The following ANK1 variants were observed in gnomAD, a reference collection of about 807,000 sequenced individuals.
ANK1 encodes ankyrin-1.
In ANK1, 51 loss-of-function variants were observed where a neutral mutation model predicts 210.4. The ratio of observed to expected loss-of-function variants is 0.24; its 90% CI spans 0.19 to 0.31. ANK1 has a LOEUF of 0.31. Ranked by LOEUF, ANK1 falls within the 10% of genes least tolerant of loss-of-function variation. The pLI, the probability that ANK1 is intolerant of heterozygous loss-of-function variation, is 1.00. For synonymous variants in ANK1, 967 were observed against 1,025.9 expected (o/e 0.94, Z 1.10); for missense variants, 2,051 against 2,504.4 (o/e 0.82, Z 3.86).
Position 41,724,539 on chromosome 8 carries a change from G to T in ANK1, c.628C>A (p.Leu210Met). The change falls in exon 7 of 43, where the codon CTG (leucine) becomes ATG (methionine). Residue 210 changes from leucine (L) to methionine (M), a missense_variant. Transcript: ENST00000289734. ...DVLSKTGFTP[L>M]HIAAHYENLN... ...TTCTCGTAGTGAGCCGCAATGTGCA[G>T]GGGCGTGAATCCCGTCTGGGGCACA... is the stretch of plus-strand genomic sequence containing the variant. 1 of 1,596,886 alleles carries T rather than the reference G, an allele frequency of 6.3e-7. No homozygotes were observed. Among genetic ancestry groups the T allele is most frequent in the South Asian group, 1.1e-5 (1 of 87,786 alleles).
At chr8:41,717,267 G>A (rs561080958) in intron 12 of ANK1, among the ~76,000 whole-genome samples, 9 of 152,210 alleles carry the variant, frequency 5.9e-5, no homozygotes, top group African/African-American at 9.6e-5. Flanking sequence ...AGGTGCATGC[G>A]TGTATATGAG....
chr8:41,672,952 T>C, intron 37 of ANK1, 40 bp from the exon 38 acceptor site: 1 of 1,562,648 alleles, frequency 6.4e-7, no homozygotes, highest in Non-Finnish European at 8.7e-7. Flanking sequence ...CCAGCAGTGA[T>C]TCCTGTCCCA....
intron 1 of ANK1, among the ~76,000 whole-genome samples, chr8:41,764,156 C>A (rs1038444455): frequency 3.0e-4 from 27 of 88,602 alleles, no homozygotes; most frequent in African/African-American, 9.1e-4. Context: ...TGTTATAAAG[C>A]GGTCATGTGC....
At chr8:41,657,304 C>G (rs1420064023) in intron 42 of ANK1, among the ~76,000 whole-genome samples, 2 of 152,202 alleles carry the variant, frequency 1.3e-5, no homozygotes, top group African/African-American at 4.8e-5. Context: ...TGCCTGACCT[C>G]GGTCAAGTGC....
rs78365145 is a variant in ANK1 at position 41,857,181 on chromosome 8, CTT to C, written c.126+39172_126+39173del. Among the ~76,000 whole-genome samples, 784 of 143,244 alleles carry C rather than the reference CTT, an allele frequency of 5.5e-3. 4 individuals are homozygous for C. Among genetic ancestry groups the C allele is most frequent in the African/African-American group, 0.014 (544 of 38,846 alleles). The allele number at this position is 143,244 out of a possible 152,430, so 94.0% of individuals were successfully genotyped here. On this transcript the variant is annotated intron_variant, in intron 1 of 42. Coordinates refer to the ANK1 transcript ENST00000265709. ...AGGCATGAGCTACCACTCCTGGCAT[CTT>C]TTTTTTTTTTTTCTCCCCTTTCCAT... is the stretch of plus-strand genomic sequence containing the variant.
chr8:41,730,376 G>A (rs1266292860), intron 3 of ANK1, among the ~76,000 whole-genome samples: 3 of 152,178 alleles, frequency 2.0e-5, no homozygotes, highest in East Asian at 3.8e-4. Flanking sequence ...AGGCCAAGGC[G>A]GGAGGATTGC....
At chr8:41,776,047 G>C (rs1279527016) in intron 1 of ANK1, among the ~76,000 whole-genome samples, 1 of 152,150 alleles carries the variant, frequency 6.6e-6, no homozygotes, top group Non-Finnish European at 1.5e-5. Context: ...TAAGTCATTT[G>C]TCCAAAGTCC....
rs984156853 is a variant in ANK1 at position 41,699,615 on chromosome 8, G to C, written c.2462-67C>G. The C allele has an allele frequency of 3.4e-6, 5 of 1,478,206 alleles. No homozygotes were observed. In the South Asian group the frequency reaches 4.5e-5, roughly 13 times the overall value. The allele number at this position is 1,478,206 out of a possible 1,614,324, so 91.6% of individuals were successfully genotyped here. A position where few individuals can be genotyped will look rare whatever the true frequency, so the allele number is the denominator to read the frequency against. ...GAAGAGTCCCTCTTTTTTTAAAAAA[G>C]CTCTGTTCCCGCTCCGCCTCTGGGG... is the stretch of plus-strand genomic sequence containing the variant. On this transcript the variant is annotated intron_variant, in intron 22 of 42. Transcript: ENST00000289734.
At chr8:41,689,534 G>C (rs954828316) in intron 33 of ANK1, among the ~76,000 whole-genome samples, 4 of 152,174 alleles carry the variant, frequency 2.6e-5, no homozygotes, top group Non-Finnish European at 4.4e-5. Flanking sequence ...TTCTTTCCTA[G>C]TTTAGCATGG....
chr8:41,756,994 G>A (rs1045433987), intron 2 of ANK1, among the ~76,000 whole-genome samples: 1 of 152,142 alleles, frequency 6.6e-6, no homozygotes, highest in Non-Finnish European at 1.5e-5. Context: ...AGTAAAATTC[G>A]TAGAGACTGG....
Position 41,694,075 on chromosome 8 carries a change from T to C in ANK1, c.3355A>G (p.Thr1119Ala). ...GTGGCCTGGTTGCCCAGGAGCTTAGTGACAAGCTCATCCGGGACAGGCTGG... is the reference window on the plus strand; with the variant it reads ...GTGGCCTGGTTGCCCAGGAGCTTAGCGACAAGCTCATCCGGGACAGGCTGG... ...QAQPVPDELV[T>A]KLLGNQATFS... Residue 1119 changes from threonine to alanine, a missense_variant, in exon 29 of 43, where the codon ACT (threonine) becomes GCT (alanine). Physicochemically the swap from Thr to Ala is moderately conservative, Grantham distance 58 (BLOSUM62 0). Around this residue, in one of 6 missense-constraint regions of ANK1, gnomAD observed 1,413 missense variants for 1,707.4 expected, o/e 0.83. Coordinates refer to ENST00000289734, the MANE Select transcript of ANK1 (RefSeq NM_000037.4). This position sits in a 1 kb window ranked among gnomAD's most constrained non-coding sequence, Gnocchi z 5.7. 1.2e-6 allele frequency: 2 copies of C among 1,613,958 alleles called. No homozygotes were observed. Among genetic ancestry groups the C allele is most frequent in the South Asian group, 2.2e-5 (2 of 91,038 alleles).
At chr8:41,854,035 G>A (rs1811752723) in intron 1 of ANK1, among the ~76,000 whole-genome samples, 1 of 152,156 alleles carries the variant, frequency 6.6e-6, no homozygotes, top group Non-Finnish European at 1.5e-5. Context: ...TCCTTATCAG[G>A]CTAATATAGT....
chr8:41,832,592 C>T (rs533002284), intron 1 of ANK1, among the ~76,000 whole-genome samples: 1 of 152,320 alleles, frequency 6.6e-6, no homozygotes, highest in African/African-American at 2.4e-5. Context: ...ATACCAGGGC[C>T]AGCTGCCCAG....
intron 1 of ANK1, among the ~76,000 whole-genome samples, chr8:41,882,417 C>T (rs1298502732): frequency 6.6e-6 from 1 of 152,118 alleles, no homozygotes; most frequent in Non-Finnish European, 1.5e-5. Context: ...CTCTCCTCTC[C>T]CCAGCCCCAG....
chr8:41,708,474 T>C (rs1825293725), intron 17 of ANK1, among the ~76,000 whole-genome samples: 1 of 152,178 alleles, frequency 6.6e-6, no homozygotes. Flanking sequence ...GGCCTATATT[T>C]GGGAAAGTTT....
intron 1 of ANK1, among the ~76,000 whole-genome samples, chr8:41,783,359 T>G (rs1845707122): frequency 6.6e-6 from 1 of 152,192 alleles, no homozygotes; most frequent in Non-Finnish European, 1.5e-5. Context: ...TGAAATCTGC[T>G]TTCCTGTGAC....
At chr8:41,777,536 C>G (rs1844326837) in intron 1 of ANK1, among the ~76,000 whole-genome samples, 1 of 152,134 alleles carries the variant, frequency 6.6e-6, no homozygotes, top group South Asian at 2.1e-4. Flanking sequence ...GATCACGGCA[C>G]TGCACTCCAG....
In ANK1 at chr8:41,693,194, T is replaced by C; in HGVS notation, c.3540A>G (p.Thr1180=). Reference sequence around the variant, plus strand: ...TTATGTCTTCCCACTGGGCTTGGTCTGTTCCTCCTGTAACAGCGGCAGAAA... The same window carrying C: ...TTATGTCTTCCCACTGGGCTTGGTCCGTTCCTCCTGTAACAGCGGCAGAAA... ...LRLLCSVIGG[T]DQAQWEDITG... is the part of the protein sequence containing the mutation. Residue 1180 remains threonine, a synonymous_variant, in exon 30 of 43, where the codon ACA becomes ACG. Coordinates refer to ENST00000289734, the MANE Select transcript of ANK1 (RefSeq NM_000037.4). 3.1e-6 allele frequency: 5 copies of C among 1,607,130 alleles called. No individual in the cohort carries two copies. The highest frequency in any genetic ancestry group is 1.7e-5 in the Admixed American group (1 of 60,012).
chr8:41,675,062 G>A (rs78673930), intron 37 of ANK1, among the ~76,000 whole-genome samples: 2,486 of 152,240 alleles, frequency 0.016, 26 homozygotes, highest in Non-Finnish European at 0.026. Flanking sequence ...ACTCTTGCGA[G>A]CATTTTATAT....
Sources: allele counts gnomAD v4.1 joint callset (sites outside exome capture counted in the v4.1 genomes callset), GRCh38; gene constraint gnomAD v4.1.1; regional missense constraint gnomAD v4.1.1; non-coding constraint Gnocchi (gnomAD v3.1); transcripts MANE v1.5; gene names NCBI Gene and HGNC (gene_info 2026-07-23, HGNC 2026-07-21).